The following DLGAP2 variants were observed in gnomAD, a reference collection of about 807,000 sequenced individuals.
The protein encoded by DLGAP2 is disks large-associated protein 2.
In DLGAP2, 26 loss-of-function variants were observed where a neutral mutation model predicts 100.3. The ratio of observed to expected loss-of-function variants is 0.26; its 90% CI spans 0.19 to 0.36. The LOEUF is 0.36. DLGAP2 is among the 10% of genes least tolerant of loss of function. The pLI is 1.00. For missense variants in DLGAP2, 1,858 were observed against 1,453.2 expected (o/e 1.28, Z -4.53); for synonymous variants, 886 against 630.1 (o/e 1.41, Z -6.08).
chr8:1,500,803 G>T (rs1230884863), intron 3 of DLGAP2, among the ~76,000 whole-genome samples: 1 of 152,258 alleles, frequency 6.6e-6, no homozygotes. Flanking sequence ...TGACCTGGGT[G>T]ATCTCCCAAC....
At chr8:1,324,467 A>G (rs561618845) in intron 3 of DLGAP2, among the ~76,000 whole-genome samples, 1 of 152,318 alleles carries the variant, frequency 6.6e-6, no homozygotes, top group Non-Finnish European at 1.5e-5. Flanking sequence ...CACAGCGTTC[A>G]AGCGACATGT....
chr8:1,663,616 C>T (rs1314111103), intron 8 of DLGAP2, among the ~76,000 whole-genome samples: 2 of 152,102 alleles, frequency 1.3e-5, no homozygotes, highest in African/African-American at 4.8e-5. Context: ...CCGAGAAGCC[C>T]CCCTTTCCCT....
At chr8:1,208,437 A>G (rs1194919191) in intron 2 of DLGAP2, among the ~76,000 whole-genome samples, 1 of 152,230 alleles carries the variant, frequency 6.6e-6, no homozygotes, top group Non-Finnish European at 1.5e-5. Context: ...TCACTTTATG[A>G]TTAAAACCCT....
chr8:1,069,300 A>G (rs1310360392), intron 2 of DLGAP2, among the ~76,000 whole-genome samples: 1 of 152,096 alleles, frequency 6.6e-6, no homozygotes, highest in Non-Finnish European at 1.5e-5. Flanking sequence ...GGGCCCCTGG[A>G]CAGGTCGCGA....
At chr8:827,345 G>A (rs1796700838) in intron 1 of DLGAP2, among the ~76,000 whole-genome samples, 1 of 152,220 alleles carries the variant, frequency 6.6e-6, no homozygotes, top group Admixed American at 6.5e-5. Context: ...TTAGGGCATT[G>A]AATGGTAGCA....
intron 3 of DLGAP2, among the ~76,000 whole-genome samples, chr8:1,410,948 C>A (rs529052721): frequency 6.6e-5 from 10 of 151,514 alleles, no homozygotes; most frequent in Admixed American, 1.3e-4. Context: ...AGATTGTAAT[C>A]ATTATTTTGT....
chr8:1,357,313 C>G (rs921301445), intron 3 of DLGAP2, among the ~76,000 whole-genome samples: 2 of 151,998 alleles, frequency 1.3e-5, no homozygotes, highest in Non-Finnish European at 2.9e-5. Flanking sequence ...CACAGACTGG[C>G]TAGTGGATGG....
chr8:1,074,202 T>G (rs1300715709), intron 2 of DLGAP2, among the ~76,000 whole-genome samples: 11 of 148,834 alleles, frequency 7.4e-5, no homozygotes, highest in African/African-American at 2.8e-4. Flanking sequence ...TGCAGCAGAC[T>G]GAAGCTGAAC....
At chr8:1,058,388 G>A (rs945978433) in intron 2 of DLGAP2, among the ~76,000 whole-genome samples, 6 of 152,244 alleles carry the variant, frequency 3.9e-5, no homozygotes. Context: ...GCCATGCTCT[G>A]CTGTGAGATG....
At chr8:1,227,569 C>G (rs532274534) in intron 2 of DLGAP2, among the ~76,000 whole-genome samples, 1 of 151,940 alleles carries the variant, frequency 6.6e-6, no homozygotes, top group East Asian at 1.9e-4. Flanking sequence ...TCCTGGCTCA[C>G]TGCAAACTCC....
intron 1 of DLGAP2, among the ~76,000 whole-genome samples, chr8:848,874 T>TGTTCCAGAATAGGAACGCGCGGTGC (rs1797121764): frequency 5.4e-5 from 7 of 129,870 alleles, no homozygotes; most frequent in South Asian, 5.5e-4. Flanking sequence ...TCGCGCGGTG[T>TGTTCCAGAATAGGAACGCGCGGTGC]CTGTTCCAGC....
intron 2 of DLGAP2, among the ~76,000 whole-genome samples, chr8:1,027,273 C>T (rs548074106): frequency 5.1e-4 from 77 of 152,346 alleles, no homozygotes; most frequent in African/African-American, 1.6e-3. Flanking sequence ...GTTACACGCC[C>T]GTGGTGCTGC....
At chr8:1,595,476 A>C (rs1447683845) in intron 6 of DLGAP2, among the ~76,000 whole-genome samples, 1 of 150,976 alleles carries the variant, frequency 6.6e-6, no homozygotes, top group Non-Finnish European at 1.5e-5. Flanking sequence ...ATCCTGGCTA[A>C]CAAGGTGAAA....
intron 2 of DLGAP2, among the ~76,000 whole-genome samples, chr8:1,174,273 CCACCATCATCACCACCATCAT>C: frequency 6.6e-6 from 1 of 151,138 alleles, no homozygotes; most frequent in South Asian, 2.1e-4. Flanking sequence ...ACCACCATCA[CCACCATCATCACCACCATCAT>C]CACCACCGTC....
At chr8:1,323,857 A>G (rs998423257) in intron 3 of DLGAP2, among the ~76,000 whole-genome samples, 1 of 152,198 alleles carries the variant, frequency 6.6e-6, no homozygotes, top group Non-Finnish European at 1.5e-5. Context: ...TGGCTGTACT[A>G]CTAGCTGAAA....
chr8:1,503,845 C>G (rs142266765), intron 4 of DLGAP2, among the ~76,000 whole-genome samples: 134 of 152,258 alleles, frequency 8.8e-4, no homozygotes, highest in African/African-American at 3.1e-3. Flanking sequence ...AGAGGACCCT[C>G]AAACACGTGC....
intron 4 of DLGAP2, among the ~76,000 whole-genome samples, chr8:1,545,955 T>C (rs1188414258): frequency 6.6e-6 from 1 of 152,208 alleles, no homozygotes; most frequent in East Asian, 1.9e-4. Flanking sequence ...AATTACACGT[T>C]AATGGAAAAA....
chr8:987,725 G>C (rs948072270), intron 2 of DLGAP2, among the ~76,000 whole-genome samples: 2 of 152,112 alleles, frequency 1.3e-5, no homozygotes, highest in African/African-American at 2.4e-5. Flanking sequence ...CCAAGCCGAC[G>C]ACAAGCCCAC....
At chr8:1,126,198 C>A (rs1175090745) in intron 2 of DLGAP2, among the ~76,000 whole-genome samples, 2 of 152,230 alleles carry the variant, frequency 1.3e-5, no homozygotes, top group East Asian at 3.8e-4. Flanking sequence ...GAGGCTTTGG[C>A]AGAGCCATGG....
Sources: allele counts gnomAD v4.1 joint callset (sites outside exome capture counted in the v4.1 genomes callset), GRCh38; gene constraint gnomAD v4.1.1; transcripts MANE v1.5; gene names NCBI Gene and HGNC (gene_info 2026-07-23, HGNC 2026-07-21).